Variants in MFSD6 observed in about 807,000 individuals in gnomAD.
The protein encoded by MFSD6 is major facilitator superfamily domain-containing protein 6.
Under a neutral mutation model 56.3 loss-of-function variants are expected in MFSD6, and 26 were observed. The observed-to-expected ratio is 0.46, with a 90% CI of 0.34 to 0.64. The LOEUF is 0.64. Ranked by LOEUF, MFSD6 falls within the 30% of genes least tolerant of loss-of-function variation. MFSD6 has a pLI of 0.01. For missense variants in MFSD6, 750 were observed against 986.2 expected (o/e 0.76, Z 3.21); for synonymous variants, 331 against 366.9 (o/e 0.90, Z 1.12).
At position 190,412,149 on chromosome 2, in the gene MFSD6, C is replaced by A; in HGVS notation, c.-175-3143C>A. 1 of 983,696 alleles carries A rather than the reference C, an allele frequency of 1.0e-6. No homozygotes were observed. Among genetic ancestry groups the A allele is most frequent in the Non-Finnish European group, 1.2e-6 (1 of 828,374 alleles). 60.9% of individuals were successfully genotyped at this position (983,696 alleles called of 1,614,324 possible). A position where few individuals can be genotyped will look rare whatever the true frequency, so the allele number is the denominator to read the frequency against. On this transcript the variant is annotated intron_variant, in intron 1 of 7. Coordinates refer to ENST00000392328, the MANE Select transcript of MFSD6 (RefSeq NM_017694.4). The surrounding 1 kb of genome is among the most constrained non-coding windows in gnomAD (Gnocchi z 4.1). ...TCTATCCAATTCTATGTAAAATTAA[C>A]TAAAACCACTGCTTAGAATCCTTAA... is the stretch of plus-strand genomic sequence containing the variant.
At chr2:190,444,032 G>A (rs1427261168) in intron 3 of MFSD6, among the ~76,000 whole-genome samples, 2 of 152,190 alleles carry the variant, frequency 1.3e-5, no homozygotes, top group Non-Finnish European at 2.9e-5. Context: ...TCCAGCCTGG[G>A]TGACAGAGCA....
rs1302145665 is a variant in MFSD6 at position 190,423,091 on chromosome 2, C to A, written c.-54+7678C>A. ...CTTTATTTTGAGATCATTGTGGATT[C>A]ACATGTAGTTGTTAGAAATAATAGA... On this transcript the variant is annotated intron_variant, in intron 2 of 7. Transcript: ENST00000392328. This position sits in a 1 kb window ranked among gnomAD's most constrained non-coding sequence, Gnocchi z 4.3. Among the ~76,000 whole-genome samples, 2 of 152,208 alleles carry A rather than the reference C, an allele frequency of 1.3e-5. No individual in the cohort carries two copies. The highest frequency in any genetic ancestry group is 2.9e-5 in the Non-Finnish European group (2 of 68,038).
intron 3 of MFSD6, chr2:190,453,962 A>G (rs1016079977): frequency 1.3e-5 from 2 of 152,200 alleles, no homozygotes; most frequent in East Asian, 1.9e-4. Context: ...TAACTGGAAT[A>G]TATTTCACAG....
In MFSD6 at chr2:190,500,405, A is replaced by C. The variant is rs1689972156; in HGVS notation, c.*187A>C. 9.5e-6 allele frequency: 6 copies of C among 630,802 alleles called. No individual in the cohort carries two copies. Among genetic ancestry groups the C allele is most frequent in the Non-Finnish European group, 1.6e-5 (6 of 369,160 alleles). The allele number at this position is 630,802 out of a possible 1,614,324, so 39.1% of individuals were successfully genotyped here. A position where few individuals can be genotyped will look rare whatever the true frequency, so the allele number is the denominator to read the frequency against. On this transcript the variant is annotated 3_prime_UTR_variant, in exon 8 of 8. Coordinates refer to ENST00000392328, the MANE Select transcript of MFSD6 (RefSeq NM_017694.4). This position sits in a 1 kb window ranked among gnomAD's most constrained non-coding sequence, Gnocchi z 5.3. ...ACAGTACATATTGGCAGGAAAAGGT[A>C]AACTTTCGTAATCTCATTGGAATTA...
Position 190,437,001 on chromosome 2 carries a change from T to C in MFSD6, c.972T>C (p.Tyr324=). 1.2e-6 allele frequency: 2 copies of C among 1,614,228 alleles called. No individual in the cohort carries two copies. Among genetic ancestry groups the C allele is most frequent in the Non-Finnish European group, 1.7e-6 (2 of 1,180,036 alleles). Reference sequence around the variant, plus strand: ...ATCTGGGAAAACACAGAGATCGCTATGGGTTGCAGCGCATGTGGGGCTCCC... The same window carrying C: ...ATCTGGGAAAACACAGAGATCGCTACGGGTTGCAGCGCATGTGGGGCTCCC... The part of the protein sequence containing the change: ...LQYLGKHRDR[Y]GLQRMWGSLG... Residue 324 remains tyrosine, a synonymous_variant, in exon 3 of 8, where the codon TAT becomes TAC. Transcript: ENST00000392328. The surrounding 1 kb of genome is among the most constrained non-coding windows in gnomAD (Gnocchi z 5.9).
intron 1 of MFSD6, 76 bp downstream of exon 1, chr2:190,408,579 G>C (rs983423988): frequency 6.6e-6 from 1 of 151,890 alleles, no homozygotes; most frequent in Non-Finnish European, 1.5e-5. Flanking sequence ...GGGCCCAGCC[G>C]GAGGGCGGGT....
chr2:190,435,751 C>G, intron 2 of MFSD6: 2 of 340,368 alleles, frequency 5.9e-6, no homozygotes, highest in Non-Finnish European at 1.1e-5. Context: ...GTAAACCTGC[C>G]ATTGGAAGAT....
At position 190,432,829 on chromosome 2, in the gene MFSD6, A is replaced by AAC. The variant is rs567758257; in HGVS notation, c.-53-3137_-53-3136dup. ...CCAACCCCTGCCACCCCCGCCCCCC[A>AAC]ACACACACACACTCTCTCTCTCTCT... is the stretch of plus-strand genomic sequence containing the variant. On this transcript the variant is annotated intron_variant, in intron 2 of 7. Coordinates refer to ENST00000392328, the MANE Select transcript of MFSD6 (RefSeq NM_017694.4). Among the ~76,000 whole-genome samples the AAC allele has an allele frequency of 5.7e-3, 627 of 110,264 alleles. 2 individuals carry two copies. Among genetic ancestry groups the AAC allele is most frequent in the South Asian group, 0.014 (46 of 3,276 alleles). The allele number at this position is 110,264 out of a possible 152,430, so 72.3% of individuals were successfully genotyped here. A position where few individuals can be genotyped will look rare whatever the true frequency, so the allele number is the denominator to read the frequency against.
intron 3 of MFSD6, among the ~76,000 whole-genome samples, chr2:190,460,464 G>T (rs1687266948): frequency 6.6e-6 from 1 of 152,154 alleles, no homozygotes; most frequent in South Asian, 2.1e-4. Flanking sequence ...TTAGCATAGA[G>T]TATGTTCAAT....
At chr2:190,477,961 G>A (rs1182773010) in intron 4 of MFSD6, among the ~76,000 whole-genome samples, 1 of 152,208 alleles carries the variant, frequency 6.6e-6, no homozygotes, top group African/African-American at 2.4e-5. Context: ...GAAGAGCTGT[G>A]TGCGAAGGCA....
In MFSD6 at chr2:190,417,036, A is replaced by C. The variant is rs1268384859; in HGVS notation, c.-54+1623A>C. On this transcript the variant is annotated intron_variant, in intron 2 of 7. Coordinates refer to ENST00000392328, the MANE Select transcript of MFSD6 (RefSeq NM_017694.4). The surrounding 1 kb of genome is among the most constrained non-coding windows in gnomAD (Gnocchi z 5.7). ...TAGATTCCTCCCTCGAGGGGTATAC[A>C]GTCTTGTTGGGCAAACGAGATATCT... 6.6e-6 allele frequency among the ~76,000 whole-genome samples: 1 copy of C among 152,136 alleles called. No individual in the cohort carries two copies. Among genetic ancestry groups the C allele is most frequent in the African/African-American group, 2.4e-5 (1 of 41,426 alleles).
chr2:190,470,648 C>G (rs1344189064), intron 4 of MFSD6, among the ~76,000 whole-genome samples: 1 of 152,178 alleles, frequency 6.6e-6, no homozygotes, highest in Non-Finnish European at 1.5e-5. Context: ...TATACGATTT[C>G]ATTAGCTTTA....
chr2:190,478,273 T>A (rs941211775), intron 4 of MFSD6, among the ~76,000 whole-genome samples: 2 of 152,176 alleles, frequency 1.3e-5, no homozygotes, highest in Admixed American at 1.3e-4. Flanking sequence ...AGCCTCCTAG[T>A]GCAACAGAGG....
Position 190,459,135 on chromosome 2 carries a change from T to C in MFSD6, c.1533-10623T>C, listed in dbSNP as rs915261683. Among the ~76,000 whole-genome samples the C allele has an allele frequency of 2.6e-5, 4 of 152,194 alleles. No individual in the cohort carries two copies. The highest frequency in any genetic ancestry group is 2.1e-4 in the South Asian group (1 of 4,830). ...GAACATCCTATCCAAGACTCCTTTT[T>C]TCCTCCCTCCATATTGTGGCTCCTT... On this transcript the variant is annotated intron_variant, in intron 3 of 7. Transcript: ENST00000392328. This position sits in a 1 kb window ranked among gnomAD's most constrained non-coding sequence, Gnocchi z 5.3.
intron 4 of MFSD6, among the ~76,000 whole-genome samples, chr2:190,481,300 A>C (rs112664567): frequency 9.7e-4 from 148 of 152,314 alleles, no homozygotes; most frequent in African/African-American, 3.3e-3. Context: ...AGCAACTCAT[A>C]TATTTTTTTA....
At chr2:190,482,321 G>A (rs1014735347) in intron 4 of MFSD6, among the ~76,000 whole-genome samples, 1 of 151,648 alleles carries the variant, frequency 6.6e-6, no homozygotes, top group African/African-American at 2.4e-5. Context: ...TTCTTTTATT[G>A]CCTGCCCAAT....
chr2:190,477,706 G>T (rs1158915047), intron 4 of MFSD6, among the ~76,000 whole-genome samples: 1 of 152,206 alleles, frequency 6.6e-6, no homozygotes. Flanking sequence ...CTCACCAACT[G>T]TTCTGGAAGC....
Position 190,459,579 on chromosome 2 carries a change from TCTC to T in MFSD6, c.1533-10178_1533-10176del, listed in dbSNP as rs1339836695. Reference sequence around the variant, plus strand: ...GTGGTTGGGTTCCATTAATCAAGGTTCTCTTTTGTTTTAAACATCTCTAGTTTT... The same window carrying T: ...GTGGTTGGGTTCCATTAATCAAGGTTTTTTGTTTTAAACATCTCTAGTTTT... On this transcript the variant is annotated intron_variant, in intron 3 of 7. Transcript: ENST00000392328. The surrounding 1 kb of genome is among the most constrained non-coding windows in gnomAD (Gnocchi z 5.3). Among the ~76,000 whole-genome samples, 3 of 152,136 alleles carry T rather than the reference TCTC, an allele frequency of 2.0e-5. No individual in the cohort carries two copies. The highest frequency in any genetic ancestry group is 2.9e-5 in the Non-Finnish European group (2 of 68,028).
chr2:190,417,539 G>A lies in MFSD6; in HGVS notation c.-54+2126G>A, dbSNP rs1690829396. 6.6e-6 allele frequency among the ~76,000 whole-genome samples: 1 copy of A among 152,120 alleles called. No individual in the cohort carries two copies. The highest frequency in any genetic ancestry group is 2.1e-4 in the South Asian group (1 of 4,828). On this transcript the variant is annotated intron_variant, in intron 2 of 7. Coordinates refer to ENST00000392328, the MANE Select transcript of MFSD6 (RefSeq NM_017694.4). The surrounding 1 kb of genome is among the most constrained non-coding windows in gnomAD (Gnocchi z 5.7). ...GTGTCCTACCTACTAGTGGGTGCTC[G>A]ATCTATAGCTGTAGGGTTTTTTTGG...
Sources: allele counts gnomAD v4.1 joint callset (sites outside exome capture counted in the v4.1 genomes callset), GRCh38; gene constraint gnomAD v4.1.1; non-coding constraint Gnocchi (gnomAD v3.1); transcripts MANE v1.5; gene names NCBI Gene and HGNC (gene_info 2026-07-23, HGNC 2026-07-21).